Variants in WDR62 observed in about 807,000 individuals in gnomAD.
WDR62 encodes the protein WD repeat-containing protein 62.
WDR62 carries 112 observed loss-of-function variants against 160.6 expected under a neutral mutation model. That is an observed-to-expected ratio of 0.70 (90% CI 0.60 to 0.82). The LOEUF is 0.82. WDR62 is among the 40% of genes least tolerant of loss of function. WDR62 has a pLI of 0.00. For missense variants in WDR62, 1,819 were observed against 1,983.8 expected, an observed-to-expected ratio of 0.92 and a Z score of 1.58; for synonymous variants, 792 against 815.1, an observed-to-expected ratio of 0.97 and a Z score of 0.48.
intron 5 of WDR62, 81 bp from the exon 6 acceptor site, chr19:36,067,225 G>A (rs1970987845): frequency 1.9e-6 from 3 of 1,591,416 alleles, no homozygotes; most frequent in Non-Finnish European, 2.6e-6. Flanking sequence ...GACGAGCAGG[G>A]AGTTCCAGCC....
intron 22 of WDR62, 128 bp downstream of exon 22, chr19:36,099,745 G>T: frequency 1.1e-6 from 1 of 942,364 alleles, no homozygotes; most frequent in East Asian, 2.6e-5. Flanking sequence ...GGGCAGGAGG[G>T]TGAGCCCCAG....
chr19:36,080,384 G>A (rs907020872), intron 9 of WDR62, among the ~76,000 whole-genome samples: 1 of 151,980 alleles, frequency 6.6e-6, no homozygotes, highest in Non-Finnish European at 1.5e-5. Flanking sequence ...GAAGTGCTGG[G>A]ATTACAGGCG....
At chr19:36,056,022 C>T (rs560087285) in intron 1 of WDR62, among the ~76,000 whole-genome samples, 2 of 152,176 alleles carry the variant, frequency 1.3e-5, no homozygotes, top group East Asian at 1.9e-4. Flanking sequence ...AAAATTAGCC[C>T]GGCATGCTAG....
chr19:36,085,542 C>T (rs900130834), intron 12 of WDR62, among the ~76,000 whole-genome samples: 2 of 150,816 alleles, frequency 1.3e-5, no homozygotes, highest in Non-Finnish European at 2.9e-5. Context: ...TGCGTTCAAG[C>T]GATTCTCCTG....
At chr19:36,058,637 G>C in intron 1 of WDR62, 143 bp from the exon 2 acceptor site, 1 of 708,510 alleles carries the variant, frequency 1.4e-6, no homozygotes, top group Non-Finnish European at 2.6e-6. Context: ...GAGAGAACAA[G>C]TGTTAGCTGC....
rs772328050 is a variant in WDR62, at chr19:36,103,778, C to T, written c.3950C>T (p.Pro1317Leu). 4 of 1,610,430 alleles carry T rather than the reference C, an allele frequency of 2.5e-6. No individual in the cohort carries two copies. The highest frequency in any genetic ancestry group is 2.2e-5 in the East Asian group (1 of 44,866). ...CTGCAGCCCCCCGTGGATACCCAGC[C>T]TGGCGTCACCGTCCCTGCAGTGAGC... ...GLLQPPVDTQ[P>L]GVTVPAVSFP... is the part of the protein sequence containing the mutation. Residue 1317 changes from proline (P) to leucine (L), a missense_variant, in exon 30 of 32, where the codon CCT becomes CTT. Transcript: ENST00000401500.
intron 1 of WDR62, among the ~76,000 whole-genome samples, chr19:36,055,725 A>T (rs1274652762): frequency 2.0e-5 from 3 of 152,254 alleles, no homozygotes; most frequent in Non-Finnish European, 2.9e-5. Context: ...GAGGGCGTAC[A>T]GAACAGTTCC....
chr19:36,055,271 T>G, intron 1 of WDR62, 123 bp downstream of exon 1: 1 of 1,065,358 alleles, frequency 9.4e-7, no homozygotes, highest in Admixed American at 2.1e-5. Context: ...TTCCCTGCCA[T>G]GCCTCGTCCC....
intron 2 of WDR62, among the ~76,000 whole-genome samples, chr19:36,059,730 A>G (rs1970547820): frequency 6.6e-6 from 1 of 152,192 alleles, no homozygotes; most frequent in Non-Finnish European, 1.5e-5. Flanking sequence ...TAAGGTCTTA[A>G]TTAGCCTAGG....
chr19:36,109,593 G>C (rs1439389757), downstream of WDR62, among the ~76,000 whole-genome samples: 1 of 151,572 alleles, frequency 6.6e-6, no homozygotes, highest in African/African-American at 2.4e-5. Flanking sequence ...AATTAGCCGG[G>C]TGTGGTGGTG....
intron 8 of WDR62, among the ~76,000 whole-genome samples, chr19:36,072,378 G>A (rs1323689230): frequency 6.6e-6 from 1 of 152,172 alleles, no homozygotes; most frequent in Admixed American, 6.5e-5. Context: ...GGGGAGGATG[G>A]TGGGAGATGA....
intron 13 of WDR62, among the ~76,000 whole-genome samples, chr19:36,087,978 G>A (rs1372337130): frequency 6.6e-6 from 1 of 152,198 alleles, no homozygotes; most frequent in Non-Finnish European, 1.5e-5. Context: ...GATTCACCAC[G>A]TGCAGGTTAA....
chr19:36,068,153 A>T (rs1971045624), intron 7 of WDR62, 143 bp downstream of exon 7: 2 of 1,083,306 alleles, frequency 1.8e-6, no homozygotes. Context: ...TTAAGGTTCC[A>T]CATCTGTAAA....
intron 13 of WDR62, among the ~76,000 whole-genome samples, chr19:36,088,106 T>C (rs1316615566): frequency 3.9e-5 from 6 of 152,138 alleles, no homozygotes; most frequent in Non-Finnish European, 8.8e-5. Context: ...TTGAGCAACA[T>C]CTAATACTTG....
chr19:36,058,908 A>C, intron 2 of WDR62, 37 bp downstream of exon 2: 1 of 1,563,394 alleles, frequency 6.4e-7, no homozygotes, highest in Non-Finnish European at 8.8e-7. Context: ...AATCATTGCT[A>C]GGGAATTTGG....
chr19:36,105,130 G>GC (rs1251768274), downstream of WDR62: 3 of 1,448,080 alleles, frequency 2.1e-6, no homozygotes, highest in Non-Finnish European at 2.8e-6. Context: ...GTCTGTTTGG[G>GC]CCTATCCACA....
chr19:36,096,689 C>A (rs1342744828), intron 20 of WDR62, among the ~76,000 whole-genome samples: 4 of 147,868 alleles, frequency 2.7e-5, no homozygotes, highest in African/African-American at 7.5e-5. Context: ...CCAGCCTGGG[C>A]AACAGAGCGA....
At chr19:36,080,667 C>G (rs1971843307) in intron 9 of WDR62, among the ~76,000 whole-genome samples, 1 of 150,896 alleles carries the variant, frequency 6.6e-6, no homozygotes, top group South Asian at 2.1e-4. Context: ...CATGTTGAGG[C>G]TGGTCTCAAA....
intron 10 of WDR62, chr19:36,082,041 A>C (rs181109280): frequency 5.6e-6 from 2 of 359,220 alleles, no homozygotes; most frequent in East Asian, 1.5e-4. Flanking sequence ...AAGCCCAGTG[A>C]GAGGGCGTCT....
Sources: allele counts gnomAD v4.1 joint callset (sites outside exome capture counted in the v4.1 genomes callset), GRCh38; gene constraint gnomAD v4.1.1; transcripts MANE v1.5; gene names NCBI Gene and HGNC (gene_info 2026-07-23, HGNC 2026-07-21).